NHLRC2: variants seen among roughly 807,000 people sequenced by gnomAD.
The protein encoded by NHLRC2 is NHL repeat containing 2.
A neutral mutation model predicts 68.1 loss-of-function variants in NHLRC2; 33 were observed. The ratio of observed to expected loss-of-function variants is 0.48; its 90% CI spans 0.37 to 0.65. The LOEUF (loss-of-function observed/expected upper bound fraction) is 0.65. Ranked by LOEUF, NHLRC2 falls within the 30% of genes least tolerant of loss-of-function variation. The pLI is 0.00. For missense variants in NHLRC2, 761 were observed against 853.8 expected, an observed-to-expected ratio of 0.89 and a Z score of 1.35; for synonymous variants, 311 against 309.6, an observed-to-expected ratio of 1.00 and a Z score of -0.05.
chr10:113,879,782 G>A, intron 4 of NHLRC2, 87 bp downstream of exon 4: 3 of 864,050 alleles, frequency 3.5e-6, no homozygotes, highest in Non-Finnish European at 5.2e-6. Context: ...GTTAAAGCGT[G>A]ATTCTTATGT....
chr10:113,885,920 A>G (rs2134718088), intron 5 of NHLRC2, among the ~76,000 whole-genome samples: 1 of 152,104 alleles, frequency 6.6e-6, no homozygotes, highest in East Asian at 1.9e-4. Flanking sequence ...AAAGAAATAA[A>G]AGGCATCCAT....
intron 2 of NHLRC2, among the ~76,000 whole-genome samples, chr10:113,861,502 A>G (rs573361001): frequency 3.3e-5 from 5 of 152,342 alleles, no homozygotes; most frequent in South Asian, 2.1e-4. Flanking sequence ...CAGTGGGCCA[A>G]TATATTCAAA....
At chr10:113,856,661 C>A (rs1845762498) in intron 1 of NHLRC2, among the ~76,000 whole-genome samples, 1 of 151,768 alleles carries the variant, frequency 6.6e-6, no homozygotes, top group Non-Finnish European at 1.5e-5. Context: ...TATTTTATTC[C>A]CATGAGATTT....
intron 4 of NHLRC2, among the ~76,000 whole-genome samples, chr10:113,882,787 C>A (rs984070903): frequency 9.2e-5 from 14 of 151,722 alleles, no homozygotes; most frequent in African/African-American, 3.1e-4. Flanking sequence ...TAATTATTTA[C>A]CCCTGTGTTT....
At chr10:113,858,197 C>A (rs55683621) in intron 1 of NHLRC2, among the ~76,000 whole-genome samples, 1 of 151,956 alleles carries the variant, frequency 6.6e-6, no homozygotes, top group Non-Finnish European at 1.5e-5. Context: ...CCTGCTCCCC[C>A]ACCCGTACCC....
chr10:113,902,435 TAAC>T (rs760222139), intron 7 of NHLRC2, 33 bp from the exon 8 acceptor site: 2 of 1,353,982 alleles, frequency 1.5e-6, no homozygotes, highest in African/African-American at 1.5e-5. Flanking sequence ...AAAATTATAA[TAAC>T]TGCTGTTTCT....
rs1346128928 is a variant in NHLRC2, at chr10:113,909,604, T to G, written c.*1068T>G. ...ACAGTATATCCTAATATATTAGTCT[T>G]CAAAATATTAAGGCCGAAACAGTGA... On this transcript the variant is annotated 3_prime_UTR_variant, in exon 11 of 11. Coordinates refer to ENST00000369301, the MANE Select transcript of NHLRC2 (RefSeq NM_198514.4). 6.6e-6 allele frequency: 1 copy of G among 152,174 alleles called. No individual in the cohort carries two copies. The highest frequency in any genetic ancestry group is 2.4e-5 in the African/African-American group (1 of 41,458). 9.4% of individuals were successfully genotyped at this position (152,174 alleles called of 1,614,324 possible). A position where few individuals can be genotyped will look rare whatever the true frequency, so the allele number is the denominator to read the frequency against.
Position 113,912,877 on chromosome 10 carries a change from C to T in NHLRC2, c.*4341C>T, listed in dbSNP as rs542661942. On this transcript the variant is annotated 3_prime_UTR_variant, in exon 11 of 11. Transcript: ENST00000369301. ...TAGTGGTGGAGCCTTTATTCAGGCA[C>T]GGGTCTCCTCATTCCTAACTCCAAG... 25 of 152,276 alleles carry T rather than the reference C, an allele frequency of 1.6e-4. No individual in the cohort carries two copies. The highest frequency in any genetic ancestry group is 1.2e-3 in the Admixed American group (19 of 15,298). 9.4% of individuals were successfully genotyped at this position (152,276 alleles called of 1,614,324 possible).
chr10:113,880,284 A>C (rs954017705), intron 4 of NHLRC2, among the ~76,000 whole-genome samples: 1 of 151,990 alleles, frequency 6.6e-6, no homozygotes, highest in Non-Finnish European at 1.5e-5. Flanking sequence ...TGATATTAAA[A>C]AGCCTTTTTG....
chr10:113,879,497 T>G (rs1846017420), intron 3 of NHLRC2, 77 bp from the exon 4 acceptor site: 1 of 1,270,102 alleles, frequency 7.9e-7, no homozygotes, highest in Non-Finnish European at 1.1e-6. Context: ...ATCCCAGCAT[T>G]AAATACAAGT....
Position 113,877,002 on chromosome 10 carries a change from G to T in NHLRC2, c.787+26G>T, listed in dbSNP as rs61280267. On this transcript the variant is annotated intron_variant, in intron 3 of 10. Coordinates refer to ENST00000369301, the MANE Select transcript of NHLRC2 (RefSeq NM_198514.4). Reference sequence around the variant, plus strand: ...GTAAAACTTGCTTCTGATTACGATAGATAACGTGTTTTACAGTAAAAAAAT... The same window carrying T: ...GTAAAACTTGCTTCTGATTACGATATATAACGTGTTTTACAGTAAAAAAAT... 3,569 of 1,349,282 alleles carry T rather than the reference G, an allele frequency of 2.6e-3. 41 individuals are homozygous for T. In the African/African-American group the frequency reaches 0.037, roughly 14 times the overall value. The allele number at this position is 1,349,282 out of a possible 1,614,324, so 83.6% of individuals were successfully genotyped here.
chr10:113,871,743 T>C (rs77242437), intron 2 of NHLRC2, among the ~76,000 whole-genome samples: 2,537 of 152,302 alleles, frequency 0.017, 68 homozygotes, highest in African/African-American at 0.056. Context: ...GGATGGTGGC[T>C]ACCTGATCTT....
intron 5 of NHLRC2, among the ~76,000 whole-genome samples, chr10:113,892,343 C>T (rs969080649): frequency 2.0e-5 from 3 of 151,934 alleles, no homozygotes; most frequent in Admixed American, 6.6e-5. Flanking sequence ...CTGTCATTGT[C>T]GTTTTAAAAA....
intron 5 of NHLRC2, among the ~76,000 whole-genome samples, chr10:113,895,871 G>A (rs556433630): frequency 1.3e-5 from 2 of 152,130 alleles, no homozygotes; most frequent in Non-Finnish European, 2.9e-5. Context: ...ACATTTCATT[G>A]AGAAAAATGG....
At chr10:113,898,318 A>G in intron 6 of NHLRC2, 109 bp downstream of exon 6, 1 of 655,204 alleles carries the variant, frequency 1.5e-6, no homozygotes, top group South Asian at 1.8e-5. Context: ...GCTAGGTTGT[A>G]CTGCCATAGC....
intron 2 of NHLRC2, 73 bp downstream of exon 2, chr10:113,858,753 T>C: frequency 9.7e-7 from 1 of 1,033,232 alleles, no homozygotes; most frequent in Non-Finnish European, 1.4e-6. Flanking sequence ...ACTCATTAGC[T>C]CATAGGAGAA....
At chr10:113,908,242 T>C (rs1215424361) in intron 10 of NHLRC2, 38 bp from the exon 11 acceptor site, 2 of 1,528,762 alleles carry the variant, frequency 1.3e-6, no homozygotes, top group Admixed American at 3.4e-5. Context: ...TTTCTACTTA[T>C]CTTATACAGT....
At chr10:113,860,813 G>A (rs992748971) in intron 2 of NHLRC2, among the ~76,000 whole-genome samples, 3 of 152,214 alleles carry the variant, frequency 2.0e-5, no homozygotes, top group African/African-American at 4.8e-5. Flanking sequence ...TTGACTTATA[G>A]TGCAGCTGAT....
chr10:113,867,735 GGTTTTTGTTTTT>G (rs547828990), intron 2 of NHLRC2, among the ~76,000 whole-genome samples: 37 of 151,990 alleles, frequency 2.4e-4, no homozygotes, highest in Non-Finnish European at 3.5e-4. Context: ...CTCCATTACA[GGTTTTTGTTTTT>G]GTTTTTGTTT....
Sources: gnomAD v4.1 joint callset for allele counts (sites outside exome capture counted in the v4.1 genomes callset) on GRCh38, gnomAD v4.1.1 for gene constraint, MANE v1.5 for transcripts, NCBI Gene and HGNC (gene_info 2026-07-23, HGNC 2026-07-21) for gene names.